Variants in KYNU observed in about 807,000 individuals in gnomAD.
The protein encoded by KYNU is L-kynurenine hydrolase.
A neutral mutation model predicts 59.2 loss-of-function variants in KYNU; 54 were observed. The ratio of observed to expected loss-of-function variants is 0.91; its 90% CI spans 0.73 to 1.14. The LOEUF is 1.14. Ranked by LOEUF, KYNU falls within the 50% of genes most tolerant of loss-of-function variation. The probability of loss-of-function intolerance (pLI) is 0.00; values close to 1 mark genes in which losing one functional copy is unlikely to be tolerated. For synonymous variants in KYNU, 177 were observed against 192.0 expected (o/e 0.92, Z 0.65); for missense variants, 567 against 554.4 (o/e 1.02, Z -0.23).
chr2:143,018,056 A>G (rs750829999), intron 10 of KYNU, among the ~76,000 whole-genome samples: 35 of 152,288 alleles, frequency 2.3e-4, no homozygotes, highest in Non-Finnish European at 3.5e-4. Context: ...TGTCAGATGC[A>G]TAGTTTGTAA....
In KYNU at chr2:142,985,990, C is replaced by G. The variant is rs779878611; in HGVS notation, c.871C>G (p.His291Asp). ...AGGAGGAATTGCTGGTGCCTTCATTCATGAAAAGCATGCCCATACGATTAA... is the reference window on the plus strand; with the variant it reads ...AGGAGGAATTGCTGGTGCCTTCATTGATGAAAAGCATGCCCATACGATTAA... ...GAGGIAGAFI[H>D]EKHAHTIKPA... Residue 291 changes from histidine to aspartate, a missense_variant, in exon 10 of 14, where the codon CAT becomes GAT. Coordinates refer to ENST00000264170, the MANE Select transcript of KYNU (RefSeq NM_003937.3). 1 of 1,610,502 alleles carries G rather than the reference C, an allele frequency of 6.2e-7. No individual in the cohort carries two copies. Among genetic ancestry groups the G allele is most frequent in the Non-Finnish European group, 8.5e-7 (1 of 1,177,522 alleles).
At chr2:142,968,912 C>CTAAA (rs568610282) in intron 8 of KYNU, among the ~76,000 whole-genome samples, 2,843 of 151,432 alleles carry the variant, frequency 0.019, 70 homozygotes, top group African/African-American at 0.058. Flanking sequence ...GACTCTGTCT[C>CTAAA]TAAATAAATA....
intron 4 of KYNU, among the ~76,000 whole-genome samples, chr2:142,935,542 T>C (rs571632100): frequency 3.0e-4 from 45 of 152,318 alleles, no homozygotes; most frequent in African/African-American, 1.1e-3. Flanking sequence ...GAGAATAATG[T>C]AGAGGTCATG....
intron 12 of KYNU, among the ~76,000 whole-genome samples, chr2:143,036,879 C>A (rs1686907060): frequency 6.6e-6 from 1 of 152,188 alleles, no homozygotes; most frequent in Non-Finnish European, 1.5e-5. Context: ...CAAACTGCCT[C>A]TTTGTTGTCT....
intron 8 of KYNU, among the ~76,000 whole-genome samples, chr2:142,978,663 T>G (rs1175172454): frequency 6.6e-6 from 1 of 152,176 alleles, no homozygotes; most frequent in African/African-American, 2.4e-5. Flanking sequence ...CAACCATGGT[T>G]GGTTAGTCAG....
rs1343700674 is a variant in KYNU, at chr2:143,013,011, G to A, written c.903-16616G>A. 2.6e-5 allele frequency among the ~76,000 whole-genome samples: 4 copies of A among 152,012 alleles called. No homozygotes were observed. The South Asian group carries it at 6.2e-4, about 24-fold the overall frequency. ...TTCTTATTAATTTTTTAGAGACAAA[G>A]TCTCACTATGTTGTCCAGGCTGGAG... On this transcript the variant is annotated intron_variant, in intron 10 of 13. Coordinates refer to ENST00000264170, the MANE Select transcript of KYNU (RefSeq NM_003937.3).
At chr2:142,937,767 G>A (rs1241552909) in intron 4 of KYNU, among the ~76,000 whole-genome samples, 1 of 152,252 alleles carries the variant, frequency 6.6e-6, no homozygotes. Context: ...ATTAGCACAA[G>A]AGTAGGTTAC....
chr2:142,977,373 A>AGT (rs202002416), intron 8 of KYNU, among the ~76,000 whole-genome samples: 1 of 84,504 alleles, frequency 1.2e-5, no homozygotes, highest in African/African-American at 5.0e-5. Flanking sequence ...TTTTGTGTGG[A>AGT]TATATATATA....
intron 2 of KYNU, among the ~76,000 whole-genome samples, chr2:142,911,781 T>A (rs185585075): frequency 6.6e-6 from 1 of 152,252 alleles, no homozygotes; most frequent in East Asian, 1.9e-4. Context: ...ACTGAAAGCT[T>A]TTTCTACATC....
chr2:143,040,631 C>T lies in KYNU; in HGVS notation c.1245C>T (p.Phe415=). The T allele has an allele frequency of 6.2e-7, 1 of 1,605,860 alleles. No individual in the cohort carries two copies. Residue 415 remains phenylalanine, a synonymous_variant, in exon 13 of 14, where the codon TTC becomes TTT. Transcript: ENST00000264170. ...TTTCTGTTCCAAACAAAGATGTTTT[C>T]CAAGAACTAGAAAAAAGAGGAGTGG... ...ITFSVPNKDV[F]QELEKRGVVC...
rs929222568 is a variant in KYNU at position 142,888,833 on chromosome 2, G to A, written c.169+3297G>A. 6.7e-5 allele frequency among the ~76,000 whole-genome samples: 10 copies of A among 149,354 alleles called. 1 individual carries two copies. The South Asian group carries it at 1.3e-3, about 19-fold the overall frequency. On this transcript the variant is annotated intron_variant, in intron 2 of 13. Transcript: ENST00000264170. ...TGTCAGAACGGTTCAGAGAACCAAAGAGCAAAGCTGTCGCATACTTGAACG... is the reference window on the plus strand; with the variant it reads ...TGTCAGAACGGTTCAGAGAACCAAAAAGCAAAGCTGTCGCATACTTGAACG...
chr2:142,963,851 T>C (rs1264453106), intron 8 of KYNU, among the ~76,000 whole-genome samples: 1 of 152,168 alleles, frequency 6.6e-6, no homozygotes, highest in African/African-American at 2.4e-5. Context: ...ACCAGAAGTA[T>C]TTTGGATATT....
At chr2:142,977,272 T>C (rs2105139614) in intron 8 of KYNU, among the ~76,000 whole-genome samples, 1 of 151,542 alleles carries the variant, frequency 6.6e-6, no homozygotes, top group East Asian at 1.9e-4. Flanking sequence ...TTCTACCATC[T>C]GAATTTTTCT....
intron 2 of KYNU, among the ~76,000 whole-genome samples, chr2:142,886,722 A>G (rs1214032244): frequency 1.3e-5 from 2 of 152,214 alleles, no homozygotes; most frequent in Non-Finnish European, 2.9e-5. Context: ...AATGGGAGAT[A>G]AGGGGCTTGG....
At chr2:143,009,094 C>T (rs1180772675) in intron 10 of KYNU, among the ~76,000 whole-genome samples, 1 of 118,822 alleles carries the variant, frequency 8.4e-6, no homozygotes, top group Non-Finnish European at 1.7e-5. Flanking sequence ...CACAAAAAAC[C>T]CTTCAAAAAA....
intron 8 of KYNU, among the ~76,000 whole-genome samples, chr2:142,975,415 A>T (rs1422538785): frequency 6.6e-6 from 1 of 152,138 alleles, no homozygotes; most frequent in Non-Finnish European, 1.5e-5. Context: ...CTGTGACCTC[A>T]TTCTTCCTGT....
At position 143,041,950 on chromosome 2, in the gene KYNU, A is replaced by T. The variant is rs73961711; in HGVS notation, c.1273-97A>T. On this transcript the variant is annotated intron_variant, in intron 13 of 13. Coordinates refer to ENST00000264170, the MANE Select transcript of KYNU (RefSeq NM_003937.3). ...TGCATATATATTAATTTTTAGGGAAATCATTATGAAAGTGCTTTACATAAG... is the reference window on the plus strand; with the variant it reads ...TGCATATATATTAATTTTTAGGGAATTCATTATGAAAGTGCTTTACATAAG... The T allele has an allele frequency of 1.2e-4, 151 of 1,278,404 alleles. No homozygotes were observed. In the African/African-American group the frequency reaches 2.1e-3, roughly 18 times the overall value. 79.2% of individuals were successfully genotyped at this position (1,278,404 alleles called of 1,614,324 possible). A position where few individuals can be genotyped will look rare whatever the true frequency, so the allele number is the denominator to read the frequency against.
intron 10 of KYNU, among the ~76,000 whole-genome samples, chr2:143,021,468 A>G (rs780660786): frequency 6.6e-6 from 1 of 152,182 alleles, no homozygotes; most frequent in African/African-American, 2.4e-5. Context: ...TTACAAAGAA[A>G]AGAGGTTCAA....
chr2:142,988,490 C>T (rs1685290950), intron 10 of KYNU, among the ~76,000 whole-genome samples: 3 of 151,886 alleles, frequency 2.0e-5, no homozygotes, highest in Admixed American at 6.6e-5. Flanking sequence ...AGAATTCTGG[C>T]CTTCCTACCA....
Sources: allele counts gnomAD v4.1 joint callset (sites outside exome capture counted in the v4.1 genomes callset), GRCh38; gene constraint gnomAD v4.1.1; transcripts MANE v1.5; gene names NCBI Gene and HGNC (gene_info 2026-07-23, HGNC 2026-07-21).